Variants in CARMIL1 observed in about 807,000 individuals in gnomAD.
The protein encoded by CARMIL1 is F-actin-uncapping protein LRRC16A.
CARMIL1 carries 90 observed loss-of-function variants against 177.1 expected under a neutral mutation model. That is an observed-to-expected ratio of 0.51 (90% CI 0.43 to 0.61). The LOEUF is 0.61. Ranked by LOEUF, CARMIL1 falls within the 20% of genes least tolerant of loss-of-function variation. CARMIL1 has a pLI of 0.00. For missense variants in CARMIL1, 1,380 were observed against 1,667.0 expected (o/e 0.83, Z 3.00); for synonymous variants, 577 against 606.2 (o/e 0.95, Z 0.71).
intron 8 of CARMIL1, among the ~76,000 whole-genome samples, chr6:25,458,468 A>G (rs1799725928): frequency 7.2e-6 from 1 of 139,706 alleles, no homozygotes. Flanking sequence ...CCTGGGTGAC[A>G]GAGCGAGACT....
intron 31 of CARMIL1, among the ~76,000 whole-genome samples, chr6:25,587,044 AGGGAGG>A (rs200584932): frequency 0.039 from 2,499 of 63,736 alleles, 67 homozygotes; most frequent in African/African-American, 0.12. Flanking sequence ...GGAAAGGGAG[AGGGAGG>A]GGGAGGGGGA....
At chr6:25,516,274 A>C (rs1249043928) in intron 21 of CARMIL1, among the ~76,000 whole-genome samples, 1 of 146,164 alleles carries the variant, frequency 6.8e-6, no homozygotes, top group Non-Finnish European at 1.5e-5. Flanking sequence ...CAAGGGGTAC[A>C]AAAGGTCTGC....
Position 25,522,688 on chromosome 6 carries a change from G to A in CARMIL1, c.1968+2351G>A, listed in dbSNP as rs182116785. On this transcript the variant is annotated intron_variant, in intron 23 of 36. Transcript: ENST00000329474. ...CATTGGCCTTGCAACATTGATTTAA[G>A]TTACCTGGCTCCATGTTTTATTCTC... is the stretch of plus-strand genomic sequence containing the variant. 5.9e-5 allele frequency among the ~76,000 whole-genome samples: 9 copies of A among 152,252 alleles called. No individual in the cohort carries two copies. The East Asian group carries it at 1.7e-3, about 29-fold the overall frequency.
Position 25,600,679 on chromosome 6 carries a change from T to A in CARMIL1, c.3485T>A (p.Val1162Glu). 6.2e-7 allele frequency: 1 copy of A among 1,605,068 alleles called. No homozygotes were observed. Among genetic ancestry groups the A allele is most frequent in the South Asian group, 1.1e-5 (1 of 89,392 alleles). Residue 1162 changes from valine to glutamate, a missense_variant, in exon 33 of 37, where the codon GTG becomes GAG. Coordinates refer to ENST00000329474, the MANE Select transcript of CARMIL1 (RefSeq NM_017640.6). ...GCAGGGCGGAGGTATGGGGTCCAGG[T>A]GATGGGCAGTGGTCTGCTGGCAGAG... The part of the protein sequence containing the change: ...PQAGRRYGVQ[V>E]MGSGLLAEMK...
At chr6:25,555,278 A>G (rs1306831851) in intron 28 of CARMIL1, among the ~76,000 whole-genome samples, 1 of 152,240 alleles carries the variant, frequency 6.6e-6, no homozygotes, top group African/African-American at 2.4e-5. Flanking sequence ...CATTGAATGT[A>G]AGAAACACTG....
At chr6:25,559,737 C>A (rs1810943760) in intron 29 of CARMIL1, among the ~76,000 whole-genome samples, 1 of 152,170 alleles carries the variant, frequency 6.6e-6, no homozygotes. Context: ...GTTCACAGAT[C>A]CTGGCATTTT....
intron 2 of CARMIL1, among the ~76,000 whole-genome samples, chr6:25,348,474 T>A (rs1468003897): frequency 6.6e-6 from 1 of 151,780 alleles, no homozygotes; most frequent in Non-Finnish European, 1.5e-5. Context: ...TAAATGTGAG[T>A]TATACACACA....
intron 35 of CARMIL1, among the ~76,000 whole-genome samples, chr6:25,607,166 A>C (rs945733129): frequency 5.5e-5 from 8 of 146,658 alleles, no homozygotes; most frequent in East Asian, 2.0e-4. Context: ...AACCAACCAA[A>C]CAAACAAAAA....
intron 5 of CARMIL1, among the ~76,000 whole-genome samples, chr6:25,436,400 C>T (rs890742335): frequency 1.3e-5 from 2 of 152,224 alleles, no homozygotes; most frequent in African/African-American, 4.8e-5. Context: ...GCTGGAGGCC[C>T]CACATAGACA....
At chr6:25,616,342 A>G (rs1816888918) in intron 36 of CARMIL1, among the ~76,000 whole-genome samples, 1 of 152,170 alleles carries the variant, frequency 6.6e-6, no homozygotes, top group African/African-American at 2.4e-5. Context: ...CTGAGTCTGG[A>G]GGATCACTTG....
intron 2 of CARMIL1, among the ~76,000 whole-genome samples, chr6:25,302,695 C>G (rs768071172): frequency 6.6e-6 from 1 of 152,160 alleles, no homozygotes; most frequent in Admixed American, 6.5e-5. Context: ...GCTTTGTTCA[C>G]GATGCAGGGA....
At position 25,606,125 on chromosome 6, in the gene CARMIL1, C is replaced by T. The variant is rs1248160431; in HGVS notation, c.3699C>T (p.Thr1233=). The change falls in exon 35 of 37, where the codon ACC becomes ACT. Residue 1233 remains threonine (T), a synonymous_variant. Transcript: ENST00000329474. ...GTTTGGGAACACCAGAAAAGAATAC[C>T]AAAGCAGAACCCAAAGCGGAAGCAG... ...RFGLGTPEKN[T]KAEPKAEAGS... 25 of 1,613,722 alleles carry T rather than the reference C, an allele frequency of 1.5e-5. No homozygotes were observed. Among genetic ancestry groups the T allele is most frequent in the Non-Finnish European group, 2.1e-5 (25 of 1,179,876 alleles).
chr6:25,550,826 C>G, intron 26 of CARMIL1, 84 bp from the exon 27 acceptor site: 3 of 1,270,856 alleles, frequency 2.4e-6, no homozygotes, highest in Non-Finnish European at 3.3e-6. Flanking sequence ...GGCTCCGTGT[C>G]ATATATAACC....
At chr6:25,371,178 G>T (rs1477675864) in intron 2 of CARMIL1, among the ~76,000 whole-genome samples, 2 of 152,190 alleles carry the variant, frequency 1.3e-5, no homozygotes, top group African/African-American at 4.8e-5. Flanking sequence ...GGGCACTTAG[G>T]TTGGTTCTGT....
At chr6:25,313,364 T>A (rs1362837809) in intron 2 of CARMIL1, among the ~76,000 whole-genome samples, 1 of 152,214 alleles carries the variant, frequency 6.6e-6, no homozygotes, top group Non-Finnish European at 1.5e-5. Context: ...AATTGCTGGC[T>A]CTTCTGCCAG....
intron 2 of CARMIL1, chr6:25,389,287 T>G (rs1792500197): frequency 6.8e-6 from 1 of 147,512 alleles, no homozygotes; most frequent in South Asian, 2.2e-4. Flanking sequence ...GTTTAAAAAT[T>G]ATGACACTGT....
At chr6:25,390,321 T>TATATA (rs1491117122) in intron 2 of CARMIL1, among the ~76,000 whole-genome samples, 3 of 38,208 alleles carry the variant, frequency 7.9e-5, no homozygotes, top group East Asian at 9.1e-4. Context: ...TATATATATA[T>TATATA]TTTTTTTTTT....
At chr6:25,484,019 A>G (rs982096864) in intron 12 of CARMIL1, among the ~76,000 whole-genome samples, 4 of 152,038 alleles carry the variant, frequency 2.6e-5, no homozygotes, top group Admixed American at 2.6e-4. Context: ...CAGCCTCCCA[A>G]AGTGCTGGGA....
At chr6:25,523,021 A>G (rs1582236380) in intron 23 of CARMIL1, among the ~76,000 whole-genome samples, 1 of 152,244 alleles carries the variant, frequency 6.6e-6, no homozygotes, top group East Asian at 1.9e-4. Flanking sequence ...CTGGTCTCAA[A>G]CTCCTGCACT....
Sources: gnomAD v4.1 joint callset for allele counts (sites outside exome capture counted in the v4.1 genomes callset) on GRCh38, gnomAD v4.1.1 for gene constraint, MANE v1.5 for transcripts, NCBI Gene and HGNC (gene_info 2026-07-23, HGNC 2026-07-21) for gene names.